IPO8: variants seen among roughly 807,000 people sequenced by gnomAD.
IPO8 encodes importin-8.
A neutral mutation model predicts 141.2 loss-of-function variants in IPO8; 65 were observed. The observed-to-expected ratio is 0.46, with a 90% CI of 0.38 to 0.57. The LOEUF is 0.57. Ranked by LOEUF, IPO8 falls within the 20% of genes least tolerant of loss-of-function variation. The pLI is 0.00. For missense variants in IPO8, 980 were observed against 1,246.8 expected, an observed-to-expected ratio of 0.79 and a Z score of 3.22; for synonymous variants, 411 against 420.3, an observed-to-expected ratio of 0.98 and a Z score of 0.27.
chr12:30,694,030 T>C (rs2053315411), intron 1 of IPO8, among the ~76,000 whole-genome samples: 1 of 152,170 alleles, frequency 6.6e-6, no homozygotes, highest in Non-Finnish European at 1.5e-5. Context: ...TACTGATGAA[T>C]CAGAAAGAAA....
intron 20 of IPO8, among the ~76,000 whole-genome samples, chr12:30,646,699 G>A (rs1266311290): frequency 6.6e-6 from 1 of 151,296 alleles, no homozygotes; most frequent in African/African-American, 2.4e-5. Context: ...CAACAAACCT[G>A]AAAATAAAAC....
chr12:30,678,596 G>C (rs937080868), intron 5 of IPO8, among the ~76,000 whole-genome samples: 1 of 152,086 alleles, frequency 6.6e-6, no homozygotes, highest in Non-Finnish European at 1.5e-5. Context: ...CATCCCCAAA[G>C]TTAAGTAACA....
intron 13 of IPO8, among the ~76,000 whole-genome samples, chr12:30,663,869 T>C (rs2052923343): frequency 6.6e-6 from 1 of 152,200 alleles, no homozygotes; most frequent in Non-Finnish European, 1.5e-5. Flanking sequence ...CAATAACATT[T>C]TTCATAGGAA....
rs770066010 is a variant in IPO8 at position 30,680,555 on chromosome 12, A to C, written c.566T>G (p.Leu189Arg). The C allele has an allele frequency of 1.2e-6, 2 of 1,612,586 alleles. No individual in the cohort carries two copies. Among genetic ancestry groups the C allele is most frequent in the South Asian group, 1.1e-5 (1 of 91,012 alleles). The change falls in exon 5 of 25, where the codon CTC (leucine) becomes CGC (arginine). Residue 189 changes from leucine to arginine, a missense_variant. This residue lies in a region of IPO8 where 924 missense variants were observed against 1,153.9 expected (regional missense o/e 0.80). Transcript: ENST00000256079. ...LPRIQQQIVQ[L>R]LPDSSYYSVL... is the part of the protein sequence containing the mutation. ...AGAATAATAGGAGGAATCAGGAAGG[A>C]GCTGAACAATTTGTTGCTGAATACG...
rs2052553168 is a variant in IPO8 at position 30,639,822 on chromosome 12, A to C, written c.2269-87T>G. 18 of 881,302 alleles carry C rather than the reference A, an allele frequency of 2.0e-5. No homozygotes were observed. In the South Asian group the frequency reaches 2.1e-4, roughly 10 times the overall value. 54.6% of individuals were successfully genotyped at this position (881,302 alleles called of 1,614,324 possible). On this transcript the variant is annotated intron_variant, in intron 20 of 24. Coordinates refer to ENST00000256079, the MANE Select transcript of IPO8 (RefSeq NM_006390.4). ...GAATATTGGCAGAGCATTCTCAATA[A>C]ATAAGACAGTCTTAATGGCAATGAG...
Position 30,673,986 on chromosome 12 carries a change from TTA to T in IPO8, c.909+2_909+3del. Reference sequence around the variant, plus strand: ...ATTCTATTTTAAAAGCATAAGTTTATTACCTGCTGAATGCCCACTGCATAGGT... The same window carrying T: ...ATTCTATTTTAAAAGCATAAGTTTATCCTGCTGAATGCCCACTGCATAGGT... On this transcript the variant is annotated splice_donor_variant and splice_donor_region_variant and intron_variant, in intron 8 of 24. Coordinates refer to ENST00000256079, the MANE Select transcript of IPO8 (RefSeq NM_006390.4). LOFTEE classifies it high-confidence loss of function. 1.3e-6 allele frequency: 2 copies of T among 1,545,936 alleles called. No homozygotes were observed. Among genetic ancestry groups the T allele is most frequent in the Non-Finnish European group, 1.8e-6 (2 of 1,126,946 alleles).
Position 30,637,198 on chromosome 12 carries a change from T to C in IPO8, c.2490-11A>G. ...TTCCGGTCATGATGCCTGCAAATTT[T>C]GAAGAAAAAAAAAATGTAGACATGA... On this transcript the variant is annotated splice_polypyrimidine_tract_variant and intron_variant, in intron 21 of 24. Coordinates refer to ENST00000256079, the MANE Select transcript of IPO8 (RefSeq NM_006390.4). 6.3e-7 allele frequency: 1 copy of C among 1,593,138 alleles called. No homozygotes were observed. Among genetic ancestry groups the C allele is most frequent in the African/African-American group, 1.4e-5 (1 of 73,530 alleles).
rs1180953580 is a variant in IPO8, at chr12:30,666,239, T to C, written c.1157A>G (p.Asp386Gly). 1.9e-6 allele frequency: 3 copies of C among 1,582,372 alleles called. No homozygotes were observed. Among genetic ancestry groups the C allele is most frequent in the East Asian group, 4.5e-5 (2 of 44,508 alleles). The change falls in exon 11 of 25, where the codon GAT becomes GGT. Residue 386 changes from aspartate to glycine, a missense_variant. Transcript: ENST00000256079. ...YIRMKFDIFE[D>G]YASPTTAAQT... ...GGCTGCTGTGGTGGGAGAAGCATAA[T>C]CTTCAAAAATATCTAAGATTTTAAA... is the stretch of plus-strand genomic sequence containing the variant.
chr12:30,681,908 C>A, intron 3 of IPO8, 91 bp from the exon 4 acceptor site: 1 of 1,097,840 alleles, frequency 9.1e-7, no homozygotes, highest in Non-Finnish European at 1.3e-6. Context: ...AGTTTGTTAT[C>A]TTCTATTTAC....
intron 8 of IPO8, 114 bp downstream of exon 8, chr12:30,673,876 A>C (rs1216656263): frequency 3.4e-6 from 2 of 585,428 alleles, no homozygotes; most frequent in Non-Finnish European, 5.9e-6. Flanking sequence ...CTGTCCTTCC[A>C]TCCTCTATAA....
At chr12:30,649,773 A>C (rs2052700573) in intron 19 of IPO8, among the ~76,000 whole-genome samples, 1 of 152,138 alleles carries the variant, frequency 6.6e-6, no homozygotes, top group Non-Finnish European at 1.5e-5. Flanking sequence ...CCCTATTATT[A>C]ATTCTGTATT....
intron 23 of IPO8, among the ~76,000 whole-genome samples, chr12:30,633,063 C>T (rs946578162): frequency 2.6e-5 from 4 of 152,210 alleles, no homozygotes; most frequent in Admixed American, 2.6e-4. Context: ...GCCACATCCT[C>T]CATATTTCCA....
At chr12:30,645,627 A>G (rs1164937548) in intron 20 of IPO8, among the ~76,000 whole-genome samples, 1 of 152,138 alleles carries the variant, frequency 6.6e-6, no homozygotes, top group Non-Finnish European at 1.5e-5. Flanking sequence ...TAGTCAACTA[A>G]GAAAAAAAGA....
chr12:30,632,827 T>C (rs750396291), intron 23 of IPO8, among the ~76,000 whole-genome samples: 65 of 152,288 alleles, frequency 4.3e-4, no homozygotes, highest in Non-Finnish European at 8.8e-4. Context: ...CTTTCAACGC[T>C]ATTCCAATGG....
chr12:30,671,003 C>A lies in IPO8; in HGVS notation c.1003G>T (p.Val335Phe). The A allele has an allele frequency of 6.2e-7, 1 of 1,613,818 alleles. No individual in the cohort carries two copies. The highest frequency in any genetic ancestry group is 8.5e-7 in the Non-Finnish European group (1 of 1,179,762). Residue 335 changes from valine to phenylalanine, a missense_variant, in exon 9 of 25, where the codon GTT becomes TTT. Coordinates refer to ENST00000256079, the MANE Select transcript of IPO8 (RefSeq NM_006390.4). ...ATCTGCTTCCAGGTTATAGAATGAACCACCCCTTGGTTGAGATAGTTGAAT... is the reference window on the plus strand; with the variant it reads ...ATCTGCTTCCAGGTTATAGAATGAAACACCCCTTGGTTGAGATAGTTGAAT... ...QAFNYLNQGV[V>F]HSITWKQMKP...
Position 30,669,217 on chromosome 12 carries a change from T to C in IPO8, c.1110A>G (p.Gln370=). The change falls in exon 10 of 25, where the codon CAA becomes CAG. Residue 370 remains glutamine, a synonymous_variant. Coordinates refer to ENST00000256079, the MANE Select transcript of IPO8 (RefSeq NM_006390.4). ...CYKDEDEELW[Q]EDPYEYIRMK... ...TCCTTATATACTCATATGGATCTTCTTGCCACAGCTCTTCATCCTCATCTT... is the reference window on the plus strand; with the variant it reads ...TCCTTATATACTCATATGGATCTTCCTGCCACAGCTCTTCATCCTCATCTT... The C allele has an allele frequency of 6.3e-7, 1 of 1,593,926 alleles. No individual in the cohort carries two copies. The highest frequency in any genetic ancestry group is 8.5e-7 in the Non-Finnish European group (1 of 1,169,710).
intron 10 of IPO8, 43 bp downstream of exon 10, chr12:30,669,140 T>G (rs769146727): frequency 2.4e-6 from 2 of 824,224 alleles, no homozygotes; most frequent in Non-Finnish European, 3.9e-6. Flanking sequence ...TATATTACTT[T>G]ACATATCCAG....
chr12:30,647,278 C>T (rs2052660073), intron 20 of IPO8, among the ~76,000 whole-genome samples: 1 of 152,010 alleles, frequency 6.6e-6, no homozygotes, highest in Admixed American at 6.6e-5. Context: ...ATGCAGACCC[C>T]CTCCTCACAT....
chr12:30,652,147 ACATTAGTT>A (rs761195227), intron 19 of IPO8, 37 bp downstream of exon 19: 2 of 1,099,756 alleles, frequency 1.8e-6, no homozygotes, highest in South Asian at 2.7e-5. Flanking sequence ...AAACAGGCAA[ACATTAGTT>A]AAGAACCACT....
Sources: gnomAD v4.1 joint callset for allele counts (sites outside exome capture counted in the v4.1 genomes callset) on GRCh38, gnomAD v4.1.1 for gene constraint, gnomAD v4.1.1 regional missense constraint, MANE v1.5 for transcripts, NCBI Gene and HGNC (gene_info 2026-07-23, HGNC 2026-07-21) for gene names.